Variants in KIF6 observed in about 807,000 individuals in gnomAD.
The protein encoded by KIF6 is kinesin-like protein KIF6.
Under a neutral mutation model 112.7 loss-of-function variants are expected in KIF6, and 106 were observed. The ratio of observed to expected loss-of-function variants is 0.94; its 90% confidence interval spans 0.80 to 1.11. KIF6 has a LOEUF of 1.11. KIF6 is among the 50% of genes least tolerant of loss of function. The pLI is 0.00. For synonymous variants in KIF6, 339 were observed against 339.9 expected (o/e 1.00, Z 0.03); for missense variants, 929 against 964.0 (o/e 0.96, Z 0.48).
At chr6:39,575,169 A>AGGTGCATG (rs1376625377) in intron 10 of KIF6, among the ~76,000 whole-genome samples, 1 of 152,132 alleles carries the variant, frequency 6.6e-6, no homozygotes, top group Non-Finnish European at 1.5e-5. Context: ...GCCACACCTG[A>AGGTGCATG]ACCATGGGCT....
At chr6:39,408,380 G>T (rs951895213) in intron 15 of KIF6, among the ~76,000 whole-genome samples, 2 of 151,948 alleles carry the variant, frequency 1.3e-5, no homozygotes, top group African/African-American at 2.4e-5. Flanking sequence ...CTCATCTATC[G>T]CAAAGAAACA....
chr6:39,725,192 C>G (rs1037534898), intron 1 of KIF6, 53 bp downstream of exon 1: 2 of 1,523,292 alleles, frequency 1.3e-6, no homozygotes, highest in African/African-American at 2.8e-5. Flanking sequence ...CGCCGCCCGA[C>G]CCCAGCCCAA....
intron 13 of KIF6, among the ~76,000 whole-genome samples, chr6:39,502,510 C>T (rs765426738): frequency 2.6e-4 from 39 of 152,034 alleles, no homozygotes; most frequent in Non-Finnish European, 4.4e-4. Context: ...ACCTTAAGTG[C>T]AAATGGGCTA....
intron 6 of KIF6, among the ~76,000 whole-genome samples, chr6:39,597,410 A>C (rs1782333789): frequency 6.6e-6 from 1 of 152,218 alleles, no homozygotes. Context: ...TAATTAGAAC[A>C]GTGTGGTGCT....
chr6:39,397,606 T>A (rs1768370589), intron 15 of KIF6, among the ~76,000 whole-genome samples: 1 of 152,148 alleles, frequency 6.6e-6, no homozygotes, highest in Non-Finnish European at 1.5e-5. Flanking sequence ...ATCTCAGTCC[T>A]GGTGGATATA....
chr6:39,581,145 T>C (rs1781266876), intron 9 of KIF6, among the ~76,000 whole-genome samples: 1 of 150,588 alleles, frequency 6.6e-6, no homozygotes, highest in South Asian at 2.1e-4. Context: ...TTTCTTCCTC[T>C]TAGTAGCTTT....
At chr6:39,725,219 G>C in intron 1 of KIF6, 26 bp downstream of exon 1, 1 of 1,598,024 alleles carries the variant, frequency 6.3e-7, no homozygotes, top group Non-Finnish European at 8.5e-7. Context: ...CCGCCGCGCC[G>C]GCGCCCCGGA....
chr6:39,623,190 C>T (rs762158388), intron 5 of KIF6, among the ~76,000 whole-genome samples: 11 of 152,148 alleles, frequency 7.2e-5, no homozygotes, highest in Admixed American at 1.3e-4. Flanking sequence ...AACATGATTT[C>T]ATTATTAGAA....
chr6:39,692,835 T>A (rs926711958), intron 3 of KIF6, among the ~76,000 whole-genome samples: 3 of 128,204 alleles, frequency 2.3e-5, no homozygotes. Flanking sequence ...ATCCTCCATA[T>A]TTTTTTTTCA....
chr6:39,496,473 C>T (rs1252109032), intron 13 of KIF6, among the ~76,000 whole-genome samples: 1 of 152,116 alleles, frequency 6.6e-6, no homozygotes, highest in East Asian at 1.9e-4. Context: ...GCATAAGTAA[C>T]TTCCTTTTTT....
At chr6:39,555,979 A>G (rs1779689685) in intron 10 of KIF6, among the ~76,000 whole-genome samples, 1 of 150,242 alleles carries the variant, frequency 6.7e-6, no homozygotes, top group South Asian at 2.1e-4. Context: ...AAAAAAGAAG[A>G]TTTATAGTAA....
intron 15 of KIF6, among the ~76,000 whole-genome samples, chr6:39,411,693 CATT>C (rs1769485928): frequency 6.6e-6 from 1 of 152,224 alleles, no homozygotes; most frequent in African/African-American, 2.4e-5. Flanking sequence ...CAAGGCCTAT[CATT>C]GTTGCAGGAA....
intron 14 of KIF6, among the ~76,000 whole-genome samples, chr6:39,427,311 T>C (rs1770840617): frequency 6.6e-6 from 1 of 152,324 alleles, no homozygotes; most frequent in Non-Finnish European, 1.5e-5. Context: ...AAGGGTGGCA[T>C]GGAAGTGACC....
chr6:39,360,522 G>C lies in KIF6; in HGVS notation c.1955C>G (p.Thr652Arg), dbSNP rs766723348. 1.2e-6 allele frequency: 2 copies of C among 1,614,244 alleles called. No homozygotes were observed. The highest frequency in any genetic ancestry group is 2.2e-5 in the South Asian group (2 of 91,088). Residue 652 changes from threonine (T) to arginine (R), a missense_variant, in exon 18 of 23, where the codon ACA becomes AGA. By Grantham distance (71) the Thr-to-Arg change is moderately conservative. This residue lies in a region of KIF6 where 241 missense variants were observed against 301.4 expected (regional missense o/e 0.80). Transcript: ENST00000287152. ...CAGGGCTTTCAGGCGAGTGAACATT[G>C]TTTTATACCTGCGGTGGAATCGGGG... ...QLEEEKRRYK[T>R]MFTRLKALKV...
At chr6:39,680,153 G>A (rs1787432159) in intron 3 of KIF6, among the ~76,000 whole-genome samples, 1 of 151,936 alleles carries the variant, frequency 6.6e-6, no homozygotes, top group African/African-American at 2.4e-5. Context: ...GATTACAGCG[G>A]CACACCACCA....
intron 10 of KIF6, among the ~76,000 whole-genome samples, chr6:39,572,411 C>G (rs1018196303): frequency 2.0e-5 from 3 of 152,060 alleles, no homozygotes; most frequent in Admixed American, 1.3e-4. Context: ...ACCAAAGCAC[C>G]TATTAAAATG....
At chr6:39,441,264 T>C (rs898737727) in intron 13 of KIF6, among the ~76,000 whole-genome samples, 6 of 152,208 alleles carry the variant, frequency 3.9e-5, no homozygotes, top group African/African-American at 1.4e-4. Context: ...TGCCAGTCAA[T>C]CATCCCTGGC....
intron 12 of KIF6, among the ~76,000 whole-genome samples, chr6:39,542,613 G>A (rs1182925446): frequency 6.6e-6 from 1 of 152,198 alleles, no homozygotes; most frequent in Non-Finnish European, 1.5e-5. Flanking sequence ...ATAACTGTGA[G>A]ATTTCAGGAG....
chr6:39,546,427 C>T (rs546007244), intron 10 of KIF6, among the ~76,000 whole-genome samples: 2 of 152,278 alleles, frequency 1.3e-5, no homozygotes, highest in South Asian at 4.1e-4. Flanking sequence ...TATACTGACT[C>T]CTTCCTCTTT....
Sources: gnomAD v4.1 joint callset for allele counts (sites outside exome capture counted in the v4.1 genomes callset) on GRCh38, gnomAD v4.1.1 for gene constraint, gnomAD v4.1.1 regional missense constraint, MANE v1.5 for transcripts, NCBI Gene and HGNC (gene_info 2026-07-23, HGNC 2026-07-21) for gene names.